MYO3B: variants seen among roughly 807,000 people sequenced by gnomAD.
MYO3B encodes the protein myosin IIIB.
A neutral mutation model predicts 174.6 loss-of-function variants in MYO3B; 156 were observed. That is an observed-to-expected ratio of 0.89 (90% confidence interval 0.78 to 1.02). The LOEUF (loss-of-function observed/expected upper bound fraction) is 1.02, where lower values mean the gene tolerates loss of function less well. MYO3B is among the 50% of genes least tolerant of loss of function. MYO3B has a pLI of 0.00. For synonymous variants in MYO3B, 563 were observed against 569.1 expected, an observed-to-expected ratio of 0.99 and a Z score of 0.15; for missense variants, 1,632 against 1,639.4, an observed-to-expected ratio of 1.00 and a Z score of 0.08.
Position 170,653,402 on chromosome 2 carries a change from T to C in MYO3B, c.*281T>C, listed in dbSNP as rs1041241079. 53 of 393,246 alleles carry C rather than the reference T, an allele frequency of 1.3e-4. No homozygotes were observed. Among genetic ancestry groups the C allele is most frequent in the Admixed American group, 1.5e-4 (4 of 25,918 alleles). The allele number at this position is 393,246 out of a possible 1,614,324, so 24.4% of individuals were successfully genotyped here. ...ACCTTTACAATAGTTTAAACAGTCATTCATGCCCCCAGTGTCTAGGAAGAT... is the reference window on the plus strand; with the variant it reads ...ACCTTTACAATAGTTTAAACAGTCACTCATGCCCCCAGTGTCTAGGAAGAT... On this transcript the variant is annotated 3_prime_UTR_variant, in exon 35 of 35. Transcript: ENST00000408978.
intron 32 of MYO3B, among the ~76,000 whole-genome samples, chr2:170,598,262 A>G (rs1694274998): frequency 6.6e-6 from 1 of 152,186 alleles, no homozygotes; most frequent in South Asian, 2.1e-4. Context: ...TTCTGTTTAG[A>G]GGCATAAACA....
At position 170,234,170 on chromosome 2, in the gene MYO3B, CAA is replaced by C. The variant is rs71006078; in HGVS notation, c.604-1805_604-1804del. 5.9e-3 allele frequency among the ~76,000 whole-genome samples: 289 copies of C among 48,592 alleles called. 10 individuals carry two copies. The highest frequency in any genetic ancestry group is 0.031 in the African/African-American group (274 of 8,882). The allele number at this position is 48,592 out of a possible 152,430, so 31.9% of individuals were successfully genotyped here. On this transcript the variant is annotated intron_variant, in intron 6 of 34. Coordinates refer to ENST00000408978, the MANE Select transcript of MYO3B (RefSeq NM_138995.5). ...TGGGCGACAGAGTGAGACTCCGTCTCAAAAAAAAAAAAAAAAACAAAACAAAA... is the reference window on the plus strand; with the variant it reads ...TGGGCGACAGAGTGAGACTCCGTCTCAAAAAAAAAAAAAAACAAAACAAAA...
In MYO3B at chr2:170,463,450, G is replaced by C. The variant is rs368887016; in HGVS notation, c.2808+5G>C. On this transcript the variant is annotated splice_donor_5th_base_variant and intron_variant, in intron 24 of 34. Transcript: ENST00000408978. ...ACTGTGGCTTCTTACTTCCGGGTAT[G>C]GAGTCTTCTTGATCTCTATTCTGCC... The C allele has an allele frequency of 3.7e-6, 6 of 1,613,480 alleles. No individual in the cohort carries two copies. The highest frequency in any genetic ancestry group is 5.1e-6 in the Non-Finnish European group (6 of 1,179,650).
At chr2:170,241,479 A>G (rs2093132572) in intron 7 of MYO3B, among the ~76,000 whole-genome samples, 1 of 152,306 alleles carries the variant, frequency 6.6e-6, no homozygotes, top group Non-Finnish European at 1.5e-5. Flanking sequence ...AGGACGCCTT[A>G]AACTTTGTTC....
intron 25 of MYO3B, among the ~76,000 whole-genome samples, chr2:170,489,634 G>GGGGTGTGTGTGTGTGTGTGTGTGTGT (rs1553507396): frequency 2.2e-5 from 3 of 139,322 alleles, no homozygotes; most frequent in Non-Finnish European, 3.1e-5. Flanking sequence ...AACCAGTAGG[G>GGGGTGTGTGTGTGTGTGTGTGTGTGT]GTGTGTGTGT....
intron 7 of MYO3B, among the ~76,000 whole-genome samples, chr2:170,262,585 G>A (rs116777510): frequency 0.017 from 2,529 of 152,336 alleles, 21 homozygotes; most frequent in Middle Eastern, 0.065. Context: ...AGTTGGCCAT[G>A]TGGAGTTGGT....
chr2:170,295,596 A>G (rs751914433), intron 7 of MYO3B, among the ~76,000 whole-genome samples: 5 of 152,214 alleles, frequency 3.3e-5, no homozygotes, highest in Middle Eastern at 3.4e-3. Flanking sequence ...CCCTGCTCCC[A>G]AATTAGTCAT....
intron 24 of MYO3B, among the ~76,000 whole-genome samples, chr2:170,466,159 A>G (rs2105967209): frequency 6.6e-6 from 1 of 152,334 alleles, no homozygotes; most frequent in South Asian, 2.1e-4. Flanking sequence ...AAAGCTGGAC[A>G]TTTTAAATTA....
chr2:170,195,973 A>G (rs1342984363), intron 1 of MYO3B, among the ~76,000 whole-genome samples: 1 of 152,206 alleles, frequency 6.6e-6, no homozygotes, highest in African/African-American at 2.4e-5. Flanking sequence ...GATGTTCAGT[A>G]ATTTTAACAG....
At chr2:170,231,959 A>C (rs2093020173) in intron 6 of MYO3B, among the ~76,000 whole-genome samples, 1 of 152,130 alleles carries the variant, frequency 6.6e-6, no homozygotes, top group Admixed American at 6.6e-5. Context: ...TTGTTTTCAG[A>C]TGTGAAAGGG....
chr2:170,473,134 C>CTTTTTT (rs1272222039), intron 25 of MYO3B, among the ~76,000 whole-genome samples: 2 of 115,952 alleles, frequency 1.7e-5, no homozygotes, highest in South Asian at 2.9e-4. Context: ...TTTTCTTTTT[C>CTTTTTT]TTTTCTTTTT....
intron 22 of MYO3B, among the ~76,000 whole-genome samples, chr2:170,438,086 C>G (rs188707988): frequency 6.6e-6 from 1 of 152,158 alleles, no homozygotes; most frequent in Non-Finnish European, 1.5e-5. Flanking sequence ...ACTCCCACTT[C>G]CTCGTGTCCC....
chr2:170,340,797 G>C (rs2093972469), intron 8 of MYO3B: 1 of 152,210 alleles, frequency 6.6e-6, no homozygotes, highest in Non-Finnish European at 1.5e-5. Context: ...GAGGGTGGGA[G>C]AAGGTCAGAG....
At chr2:170,382,486 A>C (rs2094343151) in intron 10 of MYO3B, 1 of 174,710 alleles carries the variant, frequency 5.7e-6, no homozygotes, top group African/African-American at 2.4e-5. Flanking sequence ...GAAATAGTGA[A>C]GTTAATATAG....
At chr2:170,463,922 T>G (rs1684459296) in intron 24 of MYO3B, among the ~76,000 whole-genome samples, 1 of 152,200 alleles carries the variant, frequency 6.6e-6, no homozygotes, top group African/African-American at 2.4e-5. Context: ...CTAGAAGGGC[T>G]CTGTTAAATG....
chr2:170,383,774 A>G lies in MYO3B; in HGVS notation c.1250A>G (p.Asp417Gly), dbSNP rs775772603. The G allele has an allele frequency of 2.5e-6, 4 of 1,613,690 alleles. No individual in the cohort carries two copies. The highest frequency in any genetic ancestry group is 1.1e-5 in the South Asian group (1 of 91,080). The change falls in exon 12 of 35, where the codon GAT becomes GGT. Residue 417 changes from aspartate (D) to glycine (G), a missense_variant. By Grantham distance (94) the Asp-to-Gly change is moderately conservative (BLOSUM62 -1). Coordinates refer to ENST00000408978, the MANE Select transcript of MYO3B (RefSeq NM_138995.5). ...SNPPHIFASA[D>G]AAYQCMVTLS... is the part of the protein sequence containing the mutation. ...CCCCCCCACATATTTGCATCAGCAG[A>G]TGCTGCTTACCAGTGCATGGTTACT...
intron 32 of MYO3B, among the ~76,000 whole-genome samples, chr2:170,574,802 T>G (rs2106286808): frequency 6.6e-6 from 1 of 152,288 alleles, no homozygotes; most frequent in Non-Finnish European, 1.5e-5. Context: ...AAGAAAATCT[T>G]TTAGTTCCTA....
intron 1 of MYO3B, among the ~76,000 whole-genome samples, chr2:170,192,072 TTTTC>T: frequency 6.6e-6 from 1 of 152,170 alleles, no homozygotes; most frequent in East Asian, 1.9e-4. Flanking sequence ...TTTGAAGTTT[TTTTC>T]TTCATGACCT....
intron 9 of MYO3B, among the ~76,000 whole-genome samples, chr2:170,372,118 C>CAAAAAAAAAAAAAAAAAAAAAAAA (rs769243145): frequency 9.0e-5 from 2 of 22,210 alleles, no homozygotes; most frequent in African/African-American, 2.5e-4. Context: ...GACCCTGTCT[C>CAAAAAAAAAAAAAAAAAAAAAAAA]AAAAAAAAAA....
Sources: allele counts gnomAD v4.1 joint callset (sites outside exome capture counted in the v4.1 genomes callset), GRCh38; gene constraint gnomAD v4.1.1; transcripts MANE v1.5; gene names NCBI Gene and HGNC (gene_info 2026-07-23, HGNC 2026-07-21).